The following C3orf20 variants were observed in gnomAD, a reference collection of about 807,000 sequenced individuals.
C3orf20 encodes uncharacterized protein C3orf20.
C3orf20 carries 76 observed loss-of-function variants against 88.3 expected under a neutral mutation model. The ratio of observed to expected loss-of-function variants is 0.86; its 90% CI spans 0.72 to 1.04. C3orf20 has a LOEUF of 1.04. Among genes scored for constraint, C3orf20 ranks in the 50% least tolerant of loss-of-function variants. C3orf20 has a pLI of 0.00. For missense variants in C3orf20, 1,056 were observed against 1,123.3 expected (o/e 0.94, Z 0.86); for synonymous variants, 436 against 437.4 (o/e 1.00, Z 0.04).
chr3:14,721,879 A>G, intron 10 of C3orf20, 95 bp downstream of exon 10: 1 of 1,495,568 alleles, frequency 6.7e-7, no homozygotes, highest in Non-Finnish European at 9.1e-7. Context: ...CTTACTCCCC[A>G]CCACCCTTCC....
intron 3 of C3orf20, among the ~76,000 whole-genome samples, chr3:14,683,875 CAAA>C (rs966127219): frequency 9.6e-5 from 8 of 83,202 alleles, no homozygotes; most frequent in Admixed American, 2.7e-4. Context: ...GACTCCATCT[CAAA>C]AAAAAAAAAA....
intron 4 of C3orf20, among the ~76,000 whole-genome samples, chr3:14,684,854 G>A (rs775895290): frequency 1.3e-5 from 2 of 152,132 alleles, no homozygotes; most frequent in Admixed American, 6.5e-5. Flanking sequence ...CATACAGCCC[G>A]AGGGAAGCTC....
chr3:14,689,336 G>A (rs966226811), intron 4 of C3orf20, among the ~76,000 whole-genome samples: 1 of 152,102 alleles, frequency 6.6e-6, no homozygotes, highest in Non-Finnish European at 1.5e-5. Flanking sequence ...GGTCAAATTT[G>A]CCATTTTCTT....
In C3orf20 at chr3:14,760,644, C is replaced by G. The variant is rs375428566; in HGVS notation, c.2352+646C>G. 4.6e-4 allele frequency among the ~76,000 whole-genome samples: 58 copies of G among 124,758 alleles called. 2 individuals carry two copies. In the East Asian group the frequency reaches 0.015, roughly 32 times the overall value. 81.8% of individuals were successfully genotyped at this position (124,758 alleles called of 152,430 possible). A position where few individuals can be genotyped will look rare whatever the true frequency, so the allele number is the denominator to read the frequency against. ...TTTTTTTTTGAGACAGAGTCTCACTCTCTCACCCAGGCTGGAGTGCAGTGG... is the reference window on the plus strand; with the variant it reads ...TTTTTTTTTGAGACAGAGTCTCACTGTCTCACCCAGGCTGGAGTGCAGTGG... On this transcript the variant is annotated intron_variant, in intron 14 of 16. Transcript: ENST00000253697.
chr3:14,755,538 A>G (rs532166566), intron 12 of C3orf20, among the ~76,000 whole-genome samples: 1 of 152,160 alleles, frequency 6.6e-6, no homozygotes. Context: ...GTTCTTGAGT[A>G]AGAGATATTC....
rs779649192 is a variant in C3orf20 at position 14,684,232 on chromosome 3, A to G, written c.485-10A>G. 3 of 1,613,330 alleles carry G rather than the reference A, an allele frequency of 1.9e-6. No individual in the cohort carries two copies. Among genetic ancestry groups the G allele is most frequent in the African/African-American group, 2.7e-5 (2 of 74,840 alleles). ...GGAGGGACACGTGTTGCTTTCTATC[A>G]TTGCTTTAGTGGGTGCCAACCCCTT... On this transcript the variant is annotated splice_polypyrimidine_tract_variant and intron_variant, in intron 3 of 16. Transcript: ENST00000253697.
At position 14,754,925 on chromosome 3, in the gene C3orf20, A is replaced by G. The variant is rs578097175; in HGVS notation, c.1941-2446A>G. Among the ~76,000 whole-genome samples, 6 of 152,094 alleles carry G rather than the reference A, an allele frequency of 3.9e-5. No individual in the cohort carries two copies. In the East Asian group the frequency reaches 7.7e-4, roughly 20 times the overall value. ...TTTTTAGTAGAGATGATGTCTTGCT[A>G]TGTTGTCCAGCCTTGTCTGGAACTC... On this transcript the variant is annotated intron_variant, in intron 12 of 16. Transcript: ENST00000253697.
intron 12 of C3orf20, among the ~76,000 whole-genome samples, chr3:14,753,645 G>T (rs2035281083): frequency 6.6e-6 from 1 of 151,830 alleles, no homozygotes. Context: ...TGTTGTTGTT[G>T]AAAACTGAAC....
At chr3:14,757,318 A>G (rs1195961818) in intron 12 of C3orf20, 53 bp from the exon 13 acceptor site, 5 of 1,499,896 alleles carry the variant, frequency 3.3e-6, no homozygotes, top group Non-Finnish European at 4.5e-6. Flanking sequence ...TCTGGGAACC[A>G]CAGACCTTCA....
At chr3:14,744,600 A>T (rs2035006586) in intron 12 of C3orf20, among the ~76,000 whole-genome samples, 1 of 152,004 alleles carries the variant, frequency 6.6e-6, no homozygotes, top group South Asian at 2.1e-4. Flanking sequence ...GCTGATAAAA[A>T]CATACTCGAA....
intron 7 of C3orf20, among the ~76,000 whole-genome samples, chr3:14,705,493 C>T (rs755098): frequency 0.023 from 3,468 of 152,310 alleles, 75 homozygotes; most frequent in Non-Finnish European, 0.03. Flanking sequence ...ACCATTTGTA[C>T]TTCAGAGGGA....
intron 9 of C3orf20, among the ~76,000 whole-genome samples, chr3:14,720,072 T>C (rs1051516514): frequency 6.6e-6 from 1 of 152,098 alleles, no homozygotes; most frequent in African/African-American, 2.4e-5. Flanking sequence ...CTCTGTCGCC[T>C]AGGCTGGAGT....
At chr3:14,747,041 G>T (rs2035076319) in intron 12 of C3orf20, among the ~76,000 whole-genome samples, 1 of 152,188 alleles carries the variant, frequency 6.6e-6, no homozygotes, top group South Asian at 2.1e-4. Flanking sequence ...TTATGACTGG[G>T]TTGAATTAAA....
intron 11 of C3orf20, 94 bp downstream of exon 11, chr3:14,727,118 A>T: frequency 1.5e-6 from 2 of 1,375,920 alleles, no homozygotes; most frequent in African/African-American, 2.9e-5. Context: ...CCTTTACTTT[A>T]CCGCCCATTC....
chr3:14,715,768 G>A (rs912063043), intron 9 of C3orf20, among the ~76,000 whole-genome samples: 3 of 151,972 alleles, frequency 2.0e-5, no homozygotes, highest in Non-Finnish European at 4.4e-5. Context: ...CCTATGTGTG[G>A]CAATAATAAA....
chr3:14,721,885 C>A, intron 10 of C3orf20, 101 bp downstream of exon 10: 1 of 1,468,608 alleles, frequency 6.8e-7, no homozygotes, highest in Non-Finnish European at 9.3e-7. Context: ...CCCCACCACC[C>A]TTCCATGCAA....
intron 9 of C3orf20, among the ~76,000 whole-genome samples, chr3:14,716,421 T>G (rs1314101497): frequency 6.6e-6 from 1 of 152,186 alleles, no homozygotes; most frequent in African/African-American, 2.4e-5. Flanking sequence ...ACACAAGCAC[T>G]TGGAATGCAT....
At chr3:14,721,871 T>C (rs2034175794) in intron 10 of C3orf20, 87 bp downstream of exon 10, 1 of 1,539,610 alleles carries the variant, frequency 6.5e-7, no homozygotes, top group Non-Finnish European at 8.9e-7. Context: ...CCTTTGCTCT[T>C]ACTCCCCACC....
Position 14,682,680 on chromosome 3 carries a change from CAG to C in C3orf20, c.-29_-28del. The C allele has an allele frequency of 1.3e-6, 2 of 1,569,686 alleles. No individual in the cohort carries two copies. The highest frequency in any genetic ancestry group is 1.7e-6 in the Non-Finnish European group (2 of 1,158,824). ...AGAACTTTTGCTCTCAGTCACCTCT[CAG>C]AGAGCTCTCTTTATAGCTGAAGGTC... On this transcript the variant is annotated 5_prime_UTR_variant, in exon 3 of 17. Coordinates refer to ENST00000253697, the MANE Select transcript of C3orf20 (RefSeq NM_032137.5).
Sources: gnomAD v4.1 joint callset for allele counts (sites outside exome capture counted in the v4.1 genomes callset) on GRCh38, gnomAD v4.1.1 for gene constraint, MANE v1.5 for transcripts, NCBI Gene and HGNC (gene_info 2026-07-23, HGNC 2026-07-21) for gene names.